Variants in CAMTA1 observed in about 807,000 individuals in gnomAD.
CAMTA1 encodes the protein calmodulin-binding transcription activator 1.
CAMTA1 carries 27 observed loss-of-function variants against 170.9 expected under a neutral mutation model. The observed-to-expected ratio is 0.16, with a 90% CI of 0.12 to 0.22. The LOEUF (loss-of-function observed/expected upper bound fraction) is 0.22. Among genes scored for constraint, CAMTA1 ranks in the 10% least tolerant of loss-of-function variants. The pLI, the probability that CAMTA1 is intolerant of heterozygous loss-of-function variation, is 1.00. For synonymous variants in CAMTA1, 833 were observed against 891.5 expected, an observed-to-expected ratio of 0.93 and a Z score of 1.17; for missense variants, 1,619 against 2,217.2, an observed-to-expected ratio of 0.73 and a Z score of 5.42.
At chr1:7,344,375 A>G (rs1358350535) in intron 5 of CAMTA1, among the ~76,000 whole-genome samples, 2 of 152,216 alleles carry the variant, frequency 1.3e-5, no homozygotes, top group African/African-American at 2.4e-5. Flanking sequence ...ACCACATTCT[A>G]TTGATGAAGC....
At chr1:6,904,705 T>TA (rs1471423276) in intron 3 of CAMTA1, among the ~76,000 whole-genome samples, 4 of 144,310 alleles carry the variant, frequency 2.8e-5, no homozygotes, top group Admixed American at 7.1e-5. Flanking sequence ...TATCTGGAAC[T>TA]ACAGGCATGC....
intron 3 of CAMTA1, among the ~76,000 whole-genome samples, chr1:7,045,458 C>A (rs1034161710): frequency 6.6e-6 from 1 of 152,208 alleles, no homozygotes; most frequent in Admixed American, 6.5e-5. Context: ...CCTGAGACTG[C>A]ATGTCTGACT....
intron 5 of CAMTA1, among the ~76,000 whole-genome samples, chr1:7,464,866 C>T (rs779023102): frequency 1.4e-4 from 22 of 152,162 alleles, no homozygotes; most frequent in Non-Finnish European, 2.4e-4. Context: ...GACAAGGACT[C>T]TCTGAGCCCA....
chr1:7,583,846 G>C (rs1414720434), intron 6 of CAMTA1, among the ~76,000 whole-genome samples: 1 of 152,172 alleles, frequency 6.6e-6, no homozygotes, highest in Non-Finnish European at 1.5e-5. Flanking sequence ...CCGGGAGGTA[G>C]ACCCAGATCA....
rs564247665 is a variant in CAMTA1, at chr1:7,422,898, A to G, written c.439-44932A>G. Among the ~76,000 whole-genome samples the G allele has an allele frequency of 3.9e-5, 6 of 152,362 alleles. No homozygotes were observed. The South Asian group carries it at 8.3e-4, about 21-fold the overall frequency. On this transcript the variant is annotated intron_variant, in intron 5 of 22. Transcript: ENST00000303635. The stretch of plus-strand genomic sequence containing the variant: ...CCGTGGATGCGAGGGGCCCTTTGCA[A>G]ACCTTTGATGGATTTGTATTTGAAA...
chr1:7,163,523 C>A (rs1362752901), intron 4 of CAMTA1, among the ~76,000 whole-genome samples: 1 of 152,106 alleles, frequency 6.6e-6, no homozygotes, highest in Non-Finnish European at 1.5e-5. Context: ...CACCGGCTTC[C>A]AGGGAACTGG....
intron 11 of CAMTA1, among the ~76,000 whole-genome samples, chr1:7,692,399 G>A (rs190722991): frequency 1.1e-3 from 173 of 152,200 alleles, no homozygotes; most frequent in African/African-American, 3.9e-3. Context: ...TTCTCAGGCC[G>A]GTCCTTGGCA....
rs547315081 is a variant in CAMTA1 at position 7,245,985 on chromosome 1, G to A, written c.303-3506G>A. ...GGCACTCAGAGCGACCCCCTCCACC[G>A]GGCAGGGAAGCCTGAGATTGCCCCA... On this transcript the variant is annotated intron_variant, in intron 4 of 22. Coordinates refer to ENST00000303635, the MANE Select transcript of CAMTA1 (RefSeq NM_015215.4). Among the ~76,000 whole-genome samples, 41 of 152,310 alleles carry A rather than the reference G, an allele frequency of 2.7e-4. No homozygotes were observed. In the East Asian group the frequency reaches 7.3e-3, roughly 27 times the overall value.
intron 3 of CAMTA1, among the ~76,000 whole-genome samples, chr1:7,026,981 C>G (rs1702108893): frequency 1.3e-5 from 2 of 152,000 alleles, no homozygotes; most frequent in African/African-American, 4.8e-5. Flanking sequence ...CTTTAATGTT[C>G]CTTCCCAAAA....
At chr1:7,492,762 CCTACAT>C in intron 6 of CAMTA1, among the ~76,000 whole-genome samples, 1 of 118,588 alleles carries the variant, frequency 8.4e-6, no homozygotes, top group Middle Eastern at 4.8e-3. Flanking sequence ...CACACACAAA[CCTACAT>C]ACACAAGTGC....
At chr1:7,377,449 T>C (rs2086926289) in intron 5 of CAMTA1, among the ~76,000 whole-genome samples, 1 of 152,192 alleles carries the variant, frequency 6.6e-6, no homozygotes, top group South Asian at 2.1e-4. Context: ...ATGACTGTAG[T>C]CATCTCAGGC....
At chr1:7,324,804 C>T (rs1679045181) in intron 5 of CAMTA1, among the ~76,000 whole-genome samples, 3 of 91,216 alleles carry the variant, frequency 3.3e-5, no homozygotes, top group Non-Finnish European at 5.0e-5. Context: ...GAGACTCCAT[C>T]TCAAAAAAAA....
chr1:6,956,934 C>T (rs996765269), intron 3 of CAMTA1, among the ~76,000 whole-genome samples: 2 of 152,166 alleles, frequency 1.3e-5, no homozygotes, highest in African/African-American at 4.8e-5. Flanking sequence ...TAGTTAGTAG[C>T]GGTCGGGCCA....
chr1:7,289,605 C>A (rs1361346510), intron 5 of CAMTA1, among the ~76,000 whole-genome samples: 1 of 152,158 alleles, frequency 6.6e-6, no homozygotes, highest in Non-Finnish European at 1.5e-5. Context: ...ATGTGACCTT[C>A]TTTGGAAATA....
At chr1:7,591,871 G>A (rs2095357942) in intron 6 of CAMTA1, among the ~76,000 whole-genome samples, 1 of 152,102 alleles carries the variant, frequency 6.6e-6, no homozygotes, top group African/African-American at 2.4e-5. Context: ...TGGCTGCCTG[G>A]ATTTCACAGT....
chr1:7,517,721 A>T (rs193284450), intron 6 of CAMTA1, among the ~76,000 whole-genome samples: 1 of 152,088 alleles, frequency 6.6e-6, no homozygotes, highest in Admixed American at 6.5e-5. Context: ...AGCAACCAAC[A>T]CATCCTCTGT....
At chr1:7,382,838 AG>A (rs2087490852) in intron 5 of CAMTA1, 1 of 95,486 alleles carries the variant, frequency 1.0e-5, no homozygotes, top group African/African-American at 3.9e-5. Context: ...GATGATAGAT[AG>A]ATAGATAGAT....
At chr1:7,448,817 C>G (rs867067419) in intron 5 of CAMTA1, among the ~76,000 whole-genome samples, 1 of 152,228 alleles carries the variant, frequency 6.6e-6, no homozygotes, top group Non-Finnish European at 1.5e-5. Context: ...CTAATCCCAT[C>G]TCCTCGGGGT....
intron 1 of CAMTA1, among the ~76,000 whole-genome samples, chr1:6,796,285 G>A (rs1050437680): frequency 1.8e-4 from 28 of 151,872 alleles, no homozygotes; most frequent in African/African-American, 6.5e-4. Context: ...CTACAGGCAC[G>A]CGCCACCATG....
Sources: allele counts gnomAD v4.1 joint callset (sites outside exome capture counted in the v4.1 genomes callset), GRCh38; gene constraint gnomAD v4.1.1; transcripts MANE v1.5; gene names NCBI Gene and HGNC (gene_info 2026-07-23, HGNC 2026-07-21).